MCC: variants seen among roughly 807,000 people sequenced by gnomAD.
The protein encoded by MCC is MCC regulator of Wnt signaling pathway, also known as colorectal mutant cancer protein.
In MCC, 90 loss-of-function variants were observed where a neutral mutation model predicts 116.2. The observed-to-expected ratio is 0.77, with a 90% CI of 0.65 to 0.92. MCC has a LOEUF of 0.92. Ranked by LOEUF, MCC falls within the 40% of genes least tolerant of loss-of-function variation. The pLI is 0.00. For missense variants in MCC, 1,516 were observed against 1,312.2 expected, an observed-to-expected ratio of 1.16 and a Z score of -2.40; for synonymous variants, 578 against 510.5, an observed-to-expected ratio of 1.13 and a Z score of -1.78.
chr5:113,476,242 C>T (rs1409184563), intron 1 of MCC, among the ~76,000 whole-genome samples: 2 of 152,112 alleles, frequency 1.3e-5, no homozygotes, highest in Admixed American at 1.3e-4. Context: ...AGACTAAAAA[C>T]CTTGGAAAAG....
intron 6 of MCC, among the ~76,000 whole-genome samples, chr5:113,113,103 A>G (rs1757194301): frequency 6.6e-6 from 1 of 152,188 alleles, no homozygotes; most frequent in African/African-American, 2.4e-5. Flanking sequence ...GGGCCAGCGC[A>G]CACCACCCAC....
chr5:113,203,785 G>T (rs1347631138), intron 3 of MCC, among the ~76,000 whole-genome samples: 1 of 152,190 alleles, frequency 6.6e-6, no homozygotes, highest in African/African-American at 2.4e-5. Flanking sequence ...CTAGACACCA[G>T]ATGTATGGAG....
At chr5:113,385,572 G>C (rs1231939875) in intron 1 of MCC, among the ~76,000 whole-genome samples, 1 of 152,128 alleles carries the variant, frequency 6.6e-6, no homozygotes, top group Non-Finnish European at 1.5e-5. Context: ...TAAAGTTTCA[G>C]AACATAGAAC....
intron 1 of MCC, among the ~76,000 whole-genome samples, chr5:113,408,065 A>G (rs1431066446): frequency 6.6e-6 from 1 of 152,134 alleles, no homozygotes; most frequent in Non-Finnish European, 1.5e-5. Context: ...CATTAACACA[A>G]TCTCCTGATA....
At chr5:113,138,341 C>T (rs948137038) in intron 5 of MCC, among the ~76,000 whole-genome samples, 19 of 152,320 alleles carry the variant, frequency 1.2e-4, no homozygotes, top group African/African-American at 4.3e-4. Flanking sequence ...GAAGCCTTAA[C>T]ATCCAATGTG....
At chr5:113,349,163 A>C (rs766741349) in intron 2 of MCC, among the ~76,000 whole-genome samples, 2 of 152,084 alleles carry the variant, frequency 1.3e-5, no homozygotes, top group Non-Finnish European at 2.9e-5. Flanking sequence ...GTGTTCAAAA[A>C]AATAGAGGAG....
In MCC at chr5:113,287,728, T is replaced by A. The variant is rs79429292; in HGVS notation, c.627+52791A>T. ...CATGACTTGCATTGGGTAAATCAGC[T>A]AGGCAGCTATTACAACTGCACACTT... is the stretch of plus-strand genomic sequence containing the variant. On this transcript the variant is annotated intron_variant, in intron 3 of 18. Coordinates refer to ENST00000408903, the MANE Select transcript of MCC (RefSeq NM_001085377.2). Among the ~76,000 whole-genome samples, 605 of 152,332 alleles carry A rather than the reference T, an allele frequency of 4.0e-3. 5 individuals carry two copies. Among genetic ancestry groups the A allele is most frequent in the African/African-American group, 0.013 (559 of 41,584 alleles).
chr5:113,028,684 C>CA (rs1271879507), intron 18 of MCC, among the ~76,000 whole-genome samples: 1 of 152,148 alleles, frequency 6.6e-6, no homozygotes, highest in Non-Finnish European at 1.5e-5. Flanking sequence ...AGGCATATAC[C>CA]ACAGTATGCT....
At chr5:113,245,475 AG>A (rs1764539889) in intron 3 of MCC, among the ~76,000 whole-genome samples, 2 of 152,026 alleles carry the variant, frequency 1.3e-5, no homozygotes, top group Non-Finnish European at 1.5e-5. Context: ...TCAGGGAAAA[AG>A]GTAAGCAAAG....
intron 3 of MCC, among the ~76,000 whole-genome samples, chr5:113,276,516 CAA>C (rs749496324): frequency 2.0e-5 from 3 of 152,158 alleles, no homozygotes; most frequent in African/African-American, 4.8e-5. Context: ...TTAGAAAACA[CAA>C]AGTTATGTAG....
chr5:113,032,352 A>G (rs4705532), intron 17 of MCC, among the ~76,000 whole-genome samples: 112,781 of 150,704 alleles, frequency 0.75, 42,273 homozygotes, highest in East Asian at 0.79. Flanking sequence ...AGGTTGCAGT[A>G]AGCCGAGATC....
intron 3 of MCC, among the ~76,000 whole-genome samples, chr5:113,162,041 T>C (rs922112852): frequency 1.3e-5 from 2 of 152,148 alleles, no homozygotes; most frequent in Non-Finnish European, 1.5e-5. Context: ...GAGACACATT[T>C]CAAATCTGCT....
chr5:113,322,551 C>T (rs1767445371), intron 3 of MCC, among the ~76,000 whole-genome samples: 2 of 152,214 alleles, frequency 1.3e-5, no homozygotes, highest in South Asian at 4.2e-4. Context: ...AATCAACTCC[C>T]CCTACAAACA....
intron 8 of MCC, among the ~76,000 whole-genome samples, chr5:113,088,776 G>C (rs1259236464): frequency 6.6e-6 from 1 of 152,072 alleles, no homozygotes; most frequent in African/African-American, 2.4e-5. Context: ...CCAGAACTAT[G>C]AGAGTTTGTA....
intron 2 of MCC, among the ~76,000 whole-genome samples, chr5:113,380,065 A>C (rs1581440002): frequency 1.3e-5 from 2 of 152,224 alleles, no homozygotes; most frequent in Admixed American, 1.3e-4. Context: ...GAATCTATGG[A>C]AATTCCTCTT....
chr5:113,029,005 T>G lies in MCC; in HGVS notation c.2808A>C (p.Arg936Ser). 1 of 1,613,612 alleles carries G rather than the reference T, an allele frequency of 6.2e-7. No individual in the cohort carries two copies. Among genetic ancestry groups the G allele is most frequent in the Non-Finnish European group, 8.5e-7 (1 of 1,179,760 alleles). The change falls in exon 18 of 19, where the codon AGA (arginine) becomes AGC (serine). Residue 936 changes from arginine (R) to serine (S), a missense_variant. Coordinates refer to ENST00000408903, the MANE Select transcript of MCC (RefSeq NM_001085377.2). ...RVQELVSALE[R>S]LTKSSEIRHQ... ...GTCGGATTTCACTGCTCTTGGTGAG[T>G]CTCTCCAAGGCACTCACCAGCTCTT...
At chr5:113,367,688 A>C (rs1460083670) in intron 2 of MCC, among the ~76,000 whole-genome samples, 1 of 151,132 alleles carries the variant, frequency 6.6e-6, no homozygotes, top group Non-Finnish European at 1.5e-5. Context: ...GAATCCCCTG[A>C]CTGACTCTGA....
At chr5:113,035,990 T>A (rs902382270) in intron 17 of MCC, among the ~76,000 whole-genome samples, 4 of 150,950 alleles carry the variant, frequency 2.6e-5, no homozygotes, top group African/African-American at 9.7e-5. Flanking sequence ...CTATCATGAT[T>A]CTCATTTTTA....
chr5:113,374,062 G>A (rs543146696), intron 2 of MCC, among the ~76,000 whole-genome samples: 3 of 152,090 alleles, frequency 2.0e-5, no homozygotes, highest in Non-Finnish European at 4.4e-5. Context: ...ATGCCACCAC[G>A]CCTGGCTAAT....
Sources: allele counts gnomAD v4.1 joint callset (sites outside exome capture counted in the v4.1 genomes callset), GRCh38; gene constraint gnomAD v4.1.1; transcripts MANE v1.5; gene names NCBI Gene and HGNC (gene_info 2026-07-23, HGNC 2026-07-21).